The following MBTD1 variants were observed in gnomAD, a reference collection of about 807,000 sequenced individuals.
MBTD1 encodes the protein MBT domain-containing protein 1.
A neutral mutation model predicts 87.8 loss-of-function variants in MBTD1; 24 were observed. The observed-to-expected ratio is 0.27, with a 90% CI of 0.20 to 0.38. The LOEUF (loss-of-function observed/expected upper bound fraction) is 0.38, where lower values mean the gene tolerates loss of function less well. Among genes scored for constraint, MBTD1 ranks in the 10% least tolerant of loss-of-function variants. MBTD1 has a pLI of 1.00. For missense variants in MBTD1, 436 were observed against 760.2 expected (o/e 0.57, Z 5.02); for synonymous variants, 237 against 248.6 (o/e 0.95, Z 0.44).
At chr17:51,233,377 G>C (rs923835018) in intron 2 of MBTD1, among the ~76,000 whole-genome samples, 15 of 151,958 alleles carry the variant, frequency 9.9e-5, no homozygotes, top group South Asian at 2.1e-4. Flanking sequence ...AAAGCAAACA[G>C]CATAAGAAAA....
At chr17:51,234,995 C>T (rs1007375001) in intron 2 of MBTD1, among the ~76,000 whole-genome samples, 1 of 151,980 alleles carries the variant, frequency 6.6e-6, no homozygotes, top group Admixed American at 6.6e-5. Context: ...CACGCCCGGC[C>T]TATATATCAA....
intron 2 of MBTD1, among the ~76,000 whole-genome samples, chr17:51,225,526 GT>G (rs57075455): frequency 3.6e-4 from 51 of 143,474 alleles, no homozygotes; most frequent in South Asian, 2.7e-3. Context: ...ACATTTTTGT[GT>G]TTTTTTTTTT....
intron 2 of MBTD1, chr17:51,256,897 G>A (rs1418960272): frequency 6.6e-6 from 1 of 152,184 alleles, no homozygotes; most frequent in Admixed American, 6.5e-5. Context: ...TGGCAGAATT[G>A]TGACATCAAC....
At chr17:51,236,899 T>C (rs916145112) in intron 2 of MBTD1, among the ~76,000 whole-genome samples, 3 of 152,142 alleles carry the variant, frequency 2.0e-5, no homozygotes, top group African/African-American at 7.2e-5. Context: ...TAGGCCTAAA[T>C]GTAAGTTAAC....
intron 3 of MBTD1, among the ~76,000 whole-genome samples, chr17:51,222,439 C>T (rs985871714): frequency 6.6e-6 from 1 of 152,150 alleles, no homozygotes; most frequent in Admixed American, 6.5e-5. Context: ...CAGTCTCGCT[C>T]TGTCACCCAG....
At chr17:51,237,614 C>A (rs79945829) in intron 2 of MBTD1, among the ~76,000 whole-genome samples, 1,571 of 152,218 alleles carry the variant, frequency 0.01, 39 homozygotes, top group African/African-American at 0.035. Context: ...CAAATTAAAA[C>A]CACAAGATAC....
At chr17:51,197,115 T>C (rs1188365393) in intron 12 of MBTD1, among the ~76,000 whole-genome samples, 1 of 92,156 alleles carries the variant, frequency 1.1e-5, no homozygotes, top group Non-Finnish European at 2.2e-5. Context: ...TATATATATA[T>C]ATGGAGGACG....
chr17:51,223,807 G>A (rs1017559932), intron 3 of MBTD1, among the ~76,000 whole-genome samples: 3 of 152,168 alleles, frequency 2.0e-5, no homozygotes, highest in East Asian at 3.8e-4. Context: ...CTGCACTCCA[G>A]CTTGGGCATC....
At chr17:51,234,322 G>A (rs1410830652) in intron 2 of MBTD1, among the ~76,000 whole-genome samples, 1 of 145,878 alleles carries the variant, frequency 6.9e-6, no homozygotes, top group Non-Finnish European at 1.5e-5. Context: ...GAACCCGGGA[G>A]ACAGAGGTTG....
intron 16 of MBTD1, 149 bp from the exon 17 acceptor site, chr17:51,180,843 G>T: frequency 1.5e-6 from 1 of 646,606 alleles, no homozygotes; most frequent in Non-Finnish European, 2.7e-6. Context: ...TAGCAGTTAA[G>T]AAACATTCTG....
chr17:51,223,731 G>A (rs1187786933), intron 3 of MBTD1, among the ~76,000 whole-genome samples: 1 of 152,130 alleles, frequency 6.6e-6, no homozygotes, highest in Non-Finnish European at 1.5e-5. Flanking sequence ...AGCTACTTGC[G>A]AGGCTGAGGC....
rs1218091068 is a variant in MBTD1 at position 51,244,813 on chromosome 17, T to C, written c.-49+14330A>G. 5.9e-5 allele frequency among the ~76,000 whole-genome samples: 9 copies of C among 152,196 alleles called. No homozygotes were observed. The South Asian group carries it at 1.4e-3, about 24-fold the overall frequency. ...TTTTATACCTATGCTGCTCCAGCCC[T>C]GAAATCAATAATTTTTCCAAGGAAC... On this transcript the variant is annotated intron_variant, in intron 2 of 16. Coordinates refer to ENST00000586178, the MANE Select transcript of MBTD1 (RefSeq NM_017643.3).
intron 2 of MBTD1, among the ~76,000 whole-genome samples, chr17:51,255,108 C>T (rs2055007838): frequency 6.6e-6 from 1 of 151,990 alleles, no homozygotes; most frequent in South Asian, 2.1e-4. Flanking sequence ...TGATGAAACC[C>T]CACCTCTACT....
chr17:51,258,750 A>C (rs1034284923), intron 2 of MBTD1, among the ~76,000 whole-genome samples: 44 of 152,156 alleles, frequency 2.9e-4, no homozygotes, highest in Non-Finnish European at 5.6e-4. Context: ...AAAAAGATGC[A>C]CTCCTAAGAG....
Position 51,197,073 on chromosome 17 carries a change from T to G in MBTD1, c.1225-1712A>C, listed in dbSNP as rs1185813219. Among the ~76,000 whole-genome samples, 49 of 5,814 alleles carry G rather than the reference T, an allele frequency of 8.4e-3. 1 individual carries two copies. The highest frequency in any genetic ancestry group is 0.039 in the African/African-American group (38 of 980). The allele number at this position is 5,814 out of a possible 152,430, so 3.8% of individuals were successfully genotyped here. On this transcript the variant is annotated intron_variant, in intron 12 of 16. Transcript: ENST00000586178. The stretch of plus-strand genomic sequence containing the variant: ...ATATATATATATATATATATATATA[T>G]ATATATATATATATATATATATATA...
chr17:51,252,665 C>T (rs1170021671), intron 2 of MBTD1, among the ~76,000 whole-genome samples: 3 of 151,606 alleles, frequency 2.0e-5, no homozygotes, highest in Admixed American at 6.6e-5. Flanking sequence ...ACCCGGGAGG[C>T]GAAGGTTGCA....
intron 12 of MBTD1, 149 bp from the exon 13 acceptor site, chr17:51,195,510 A>G (rs2051048752): frequency 3.5e-6 from 2 of 572,086 alleles, no homozygotes; most frequent in East Asian, 3.2e-5. Context: ...GTTAAATAAC[A>G]GAAGTTCTAA....
intron 3 of MBTD1, 25 bp downstream of exon 3, chr17:51,224,983 A>G: frequency 6.9e-7 from 1 of 1,455,714 alleles, no homozygotes; most frequent in Non-Finnish European, 9.3e-7. Flanking sequence ...AAGCTGTAGA[A>G]CAGGTGAAGG....
chr17:51,257,904 T>G (rs921749205), intron 2 of MBTD1, among the ~76,000 whole-genome samples: 1 of 152,110 alleles, frequency 6.6e-6, no homozygotes, highest in Non-Finnish European at 1.5e-5. Context: ...GAATAAATAC[T>G]TATTCAAGAC....
Sources: allele counts gnomAD v4.1 joint callset (sites outside exome capture counted in the v4.1 genomes callset), GRCh38; gene constraint gnomAD v4.1.1; transcripts MANE v1.5; gene names NCBI Gene and HGNC (gene_info 2026-07-23, HGNC 2026-07-21).